The following TSKU variants were observed in gnomAD, a reference collection of about 807,000 sequenced individuals.
The protein encoded by TSKU is tsukushi, small leucine rich proteoglycan.
In TSKU, 4 loss-of-function variants were observed where a neutral mutation model predicts 11.2. That is an observed-to-expected ratio of 0.36 (90% confidence interval 0.18 to 0.82). The LOEUF is 0.82. Among genes scored for constraint, TSKU ranks in the 40% least tolerant of loss-of-function variants. The pLI, the probability that TSKU is intolerant of heterozygous loss-of-function variation, is 0.50. For synonymous variants in TSKU, 220 were observed against 232.2 expected, an observed-to-expected ratio of 0.95 and a Z score of 0.48; for missense variants, 407 against 482.5, an observed-to-expected ratio of 0.84 and a Z score of 1.47.
chr11:76,792,880 A>C (rs576944895), intron 1 of TSKU: 4 of 152,440 alleles, frequency 2.6e-5, no homozygotes, highest in Admixed American at 6.5e-5. Flanking sequence ...CAGTGTAGCA[A>C]GTCACTCCTG....
At chr11:76,787,029 C>T (rs1590816601) in intron 1 of TSKU, among the ~76,000 whole-genome samples, 1 of 152,122 alleles carries the variant, frequency 6.6e-6, no homozygotes, top group South Asian at 2.1e-4. Flanking sequence ...CAGTGAATAC[C>T]AACATGTGCC....
chr11:76,796,471 C>A lies in TSKU; in HGVS notation c.855C>A (p.Asp285Glu). The A allele has an allele frequency of 1.2e-6, 2 of 1,613,264 alleles. No homozygotes were observed. Among genetic ancestry groups the A allele is most frequent in the Non-Finnish European group, 1.7e-6 (2 of 1,179,856 alleles). Residue 285 changes from aspartate (D) to glutamate (E), a missense_variant, in exon 2 of 2, where the codon GAC becomes GAA. By Grantham distance (45) the Asp-to-Glu change is conservative (BLOSUM62 2). Coordinates refer to ENST00000333090, the MANE Select transcript of TSKU (RefSeq NM_015516.4). The surrounding 1 kb of genome is among the most constrained non-coding windows in gnomAD (Gnocchi z 4.1). Reference sequence around the variant, plus strand: ...GCCTGAGCTCCCTGCAGGAGCTGGACCTTTCGGGCACCAACCTGGTGCCCC... The same window carrying A: ...GCCTGAGCTCCCTGCAGGAGCTGGAACTTTCGGGCACCAACCTGGTGCCCC... Reference protein sequence around the residue: ...FSGLSSLQELDLSGTNLVPLP... With the variant: ...FSGLSSLQELELSGTNLVPLP...
chr11:76,789,157 A>G (rs1486782032), intron 1 of TSKU, among the ~76,000 whole-genome samples: 3 of 152,202 alleles, frequency 2.0e-5, no homozygotes, highest in Non-Finnish European at 2.9e-5. Context: ...CCAGCTCCCA[A>G]GCCCTGGAAT....
intron 1 of TSKU, among the ~76,000 whole-genome samples, chr11:76,788,549 A>G (rs777502713): frequency 6.6e-6 from 1 of 152,196 alleles, no homozygotes; most frequent in Non-Finnish European, 1.5e-5. Flanking sequence ...CAGAAGGCTT[A>G]GCAAATCACC....
intron 1 of TSKU, among the ~76,000 whole-genome samples, chr11:76,789,286 G>A (rs1024195434): frequency 6.6e-6 from 1 of 152,368 alleles, no homozygotes; most frequent in Admixed American, 6.5e-5. Context: ...GCTGGGGACA[G>A]GTGGGAGGGG....
intron 1 of TSKU, among the ~76,000 whole-genome samples, chr11:76,785,763 A>G (rs1406660618): frequency 4.6e-5 from 7 of 152,122 alleles, no homozygotes; most frequent in African/African-American, 4.8e-5. Context: ...TGGTAATTCT[A>G]TGAAACCCGT....
intron 1 of TSKU, among the ~76,000 whole-genome samples, 196 bp from the exon 2 acceptor site, chr11:76,795,413 G>A (rs777373882): frequency 2.0e-5 from 3 of 152,212 alleles, no homozygotes; most frequent in Non-Finnish European, 2.9e-5. Context: ...CTGGCCTCAC[G>A]CCCCTTACCA....
chr11:76,796,158 T>C lies in TSKU; in HGVS notation c.542T>C (p.Leu181Pro). The part of the protein sequence containing the change: ...RLVPHPTRAG[L>P]PAPTIQSLNL... ...GTGCCCCACCCCACGAGGGCCGGCC[T>C]GCCTGCGCCCACCATTCAGAGCCTG... The change falls in exon 2 of 2, where the codon CTG becomes CCG. Residue 181 changes from leucine (L) to proline (P), a missense_variant. Physicochemically the swap from Leu to Pro is moderately conservative, Grantham distance 98. Transcript: ENST00000333090. This position sits in a 1 kb window ranked among gnomAD's most constrained non-coding sequence, Gnocchi z 4.1. The C allele has an allele frequency of 6.2e-7, 1 of 1,613,596 alleles. No homozygotes were observed. The highest frequency in any genetic ancestry group is 1.6e-4 in the Middle Eastern group (1 of 6,062).
chr11:76,789,529 T>A (rs1191073772), intron 1 of TSKU, among the ~76,000 whole-genome samples: 1 of 152,234 alleles, frequency 6.6e-6, no homozygotes, highest in Non-Finnish European at 1.5e-5. Flanking sequence ...TTAGAGTCAC[T>A]GTGGACCTGG....
At chr11:76,784,568 T>G (rs1465098176) in intron 1 of TSKU, among the ~76,000 whole-genome samples, 1 of 152,174 alleles carries the variant, frequency 6.6e-6, no homozygotes, top group East Asian at 1.9e-4. Context: ...GAGAACTCCC[T>G]CGCGGCTCGG....
intron 1 of TSKU, among the ~76,000 whole-genome samples, chr11:76,789,821 A>G (rs1944347734): frequency 6.6e-6 from 1 of 152,174 alleles, no homozygotes; most frequent in African/African-American, 2.4e-5. Flanking sequence ...AGAGGGAGGC[A>G]GTGTGAATAC....
chr11:76,782,650 CCA>C (rs1944248000), upstream of TSKU: 1 of 151,902 alleles, frequency 6.6e-6, no homozygotes, highest in African/African-American at 2.4e-5. Flanking sequence ...TACTCACACG[CCA>C]GTTTCCCTTC....
chr11:76,787,373 G>A (rs997475621), intron 1 of TSKU, among the ~76,000 whole-genome samples: 2 of 152,174 alleles, frequency 1.3e-5, no homozygotes, highest in African/African-American at 4.8e-5. Flanking sequence ...TGGGTAAGTT[G>A]CTAGGCTTAC....
intron 1 of TSKU, among the ~76,000 whole-genome samples, chr11:76,787,140 G>A (rs1329819190): frequency 6.6e-6 from 1 of 152,194 alleles, no homozygotes; most frequent in African/African-American, 2.4e-5. Flanking sequence ...GGACTCAGAG[G>A]GGTGAGGGCA....
chr11:76,790,332 A>G (rs1179745454), intron 1 of TSKU, among the ~76,000 whole-genome samples: 3 of 152,124 alleles, frequency 2.0e-5, no homozygotes. Context: ...TCAGTGCCCC[A>G]GAGTGTGGGG....
upstream of TSKU, chr11:76,782,723 TTCTC>T (rs1944249087): frequency 6.6e-6 from 1 of 151,894 alleles, no homozygotes; most frequent in African/African-American, 2.4e-5. Context: ...TCTGTTGACT[TTCTC>T]TCTCCTCTCC....
chr11:76,789,150 G>A (rs1050659151), intron 1 of TSKU, among the ~76,000 whole-genome samples: 8 of 152,226 alleles, frequency 5.3e-5, no homozygotes, highest in African/African-American at 1.9e-4. Flanking sequence ...GGGCCTTCCA[G>A]CTCCCAAGCC....
At chr11:76,790,949 G>A (rs1944363140) in intron 1 of TSKU, among the ~76,000 whole-genome samples, 1 of 152,208 alleles carries the variant, frequency 6.6e-6, no homozygotes, top group Non-Finnish European at 1.5e-5. Context: ...ACTTCCTAGA[G>A]ACTTATTGAA....
Position 76,795,718 on chromosome 11 carries a change from C to T in TSKU, c.102C>T (p.Phe34=), listed in dbSNP as rs767229761. The T allele has an allele frequency of 4.3e-6, 7 of 1,614,208 alleles. No homozygotes were observed. Among genetic ancestry groups the T allele is most frequent in the Admixed American group, 3.3e-5 (2 of 60,032 alleles). ...CQCEVETFGL[F]DSFSLTRVDC... Reference sequence around the variant, plus strand: ...GCGAGGTGGAGACCTTCGGCCTTTTCGACAGCTTCAGCCTGACTCGGGTGG... The same window carrying T: ...GCGAGGTGGAGACCTTCGGCCTTTTTGACAGCTTCAGCCTGACTCGGGTGG... The change falls in exon 2 of 2, where the codon TTC becomes TTT. Residue 34 remains phenylalanine, a synonymous_variant. Coordinates refer to ENST00000333090, the MANE Select transcript of TSKU (RefSeq NM_015516.4).
Sources: gnomAD v4.1 joint callset for allele counts (sites outside exome capture counted in the v4.1 genomes callset) on GRCh38, gnomAD v4.1.1 for gene constraint, Gnocchi (gnomAD v3.1) non-coding constraint, MANE v1.5 for transcripts, NCBI Gene and HGNC (gene_info 2026-07-23, HGNC 2026-07-21) for gene names.